Variants in DMXL2 observed in about 807,000 individuals in gnomAD.
DMXL2 encodes the protein Dmx like 2.
Under a neutral mutation model 331.1 loss-of-function variants are expected in DMXL2, and 103 were observed. The ratio of observed to expected loss-of-function variants is 0.31; its 90% CI spans 0.27 to 0.37. The LOEUF is 0.37. Ranked by LOEUF, DMXL2 falls within the 10% of genes least tolerant of loss-of-function variation. DMXL2 has a pLI of 1.00. For missense variants in DMXL2, 3,171 were observed against 3,642.9 expected (o/e 0.87, Z 3.33); for synonymous variants, 1,281 against 1,252.1 (o/e 1.02, Z -0.49).
rs1474648941 is a variant in DMXL2, at chr15:51,547,457, C to T, written c.568-49G>A. 3.0e-6 allele frequency: 4 copies of T among 1,353,928 alleles called. No homozygotes were observed. The South Asian group carries it at 5.4e-5, about 18-fold the overall frequency. 83.9% of individuals were successfully genotyped at this position (1,353,928 alleles called of 1,614,324 possible). The stretch of plus-strand genomic sequence containing the variant: ...AAAATTAATTTGTACATACACAATT[C>T]AAAATTTAAGTGGTTTGAAGAAGTT... On this transcript the variant is annotated intron_variant, in intron 6 of 43. Transcript: ENST00000560891.
chr15:51,484,836 C>T (rs8034340), intron 23 of DMXL2, among the ~76,000 whole-genome samples: 119,629 of 151,940 alleles, frequency 0.79, 48,076 homozygotes, highest in African/African-American at 0.95. Context: ...TGAAATCAGG[C>T]AAAGAATACA....
At chr15:51,514,316 GAACT>G (rs1194099399) in intron 15 of DMXL2, 122 bp downstream of exon 15, 8 of 608,654 alleles carry the variant, frequency 1.3e-5, no homozygotes, top group African/African-American at 7.7e-5. Context: ...AATTTTGACA[GAACT>G]AACTGGTGAA....
In DMXL2 at chr15:51,536,425, T is replaced by G. The variant is rs141558477; in HGVS notation, c.2055A>C (p.Ser685=). 4,229 of 1,613,968 alleles carry G rather than the reference T, an allele frequency of 2.6e-3. 6 individuals carry two copies. The highest frequency in any genetic ancestry group is 3.3e-3 in the Non-Finnish European group (3,923 of 1,179,912). ...LTPELDCQWD[S]DNKLSRLMDP... ...CCATTAATCTACTTAATTTATTGTC[T>G]GAGTCCCACTGACAATCTAATTCAG... Residue 685 remains serine, a synonymous_variant, in exon 12 of 44, where the codon TCA becomes TCC. Transcript: ENST00000560891.
At position 51,448,769 on chromosome 15, in the gene DMXL2, A is replaced by G. The variant is rs994802759; in HGVS notation, c.*215T>C. 5.3e-6 allele frequency: 3 copies of G among 564,488 alleles called. No homozygotes were observed. The highest frequency in any genetic ancestry group is 9.4e-6 in the Non-Finnish European group (3 of 319,478). 35.0% of individuals were successfully genotyped at this position (564,488 alleles called of 1,614,324 possible). A position where few individuals can be genotyped will look rare whatever the true frequency, so the allele number is the denominator to read the frequency against. On this transcript the variant is annotated 3_prime_UTR_variant, in exon 44 of 44. Transcript: ENST00000560891. ...TGTAAAGAATAGCTATCCTTCATAC[A>G]ATACTAGGTTTTATTTTTTTTAGTA...
At chr15:51,557,266 CATG>C (rs947331222) in intron 6 of DMXL2, among the ~76,000 whole-genome samples, 1 of 152,078 alleles carries the variant, frequency 6.6e-6, no homozygotes, top group African/African-American at 2.4e-5. Context: ...TAAAAATTTA[CATG>C]ATGATTCCAT....
At chr15:51,463,645 T>C (rs539611863) in intron 32 of DMXL2, 149 bp from the exon 33 acceptor site, 38 of 526,974 alleles carry the variant, frequency 7.2e-5, no homozygotes, top group Admixed American at 6.8e-4. Context: ...AGACACAGCA[T>C]TAAGCTCAAC....
chr15:51,458,860 C>A, intron 34 of DMXL2, 65 bp from the exon 35 acceptor site: 1 of 1,320,248 alleles, frequency 7.6e-7, no homozygotes, highest in Non-Finnish European at 1.1e-6. Context: ...TATGCACATC[C>A]CATAAGATTT....
At chr15:51,509,945 A>G (rs2046652558) in intron 15 of DMXL2, among the ~76,000 whole-genome samples, 1 of 152,214 alleles carries the variant, frequency 6.6e-6, no homozygotes, top group African/African-American at 2.4e-5. Flanking sequence ...AACAGAACCA[A>G]TGACAAAAAC....
chr15:51,476,803 T>C (rs1254439099), intron 26 of DMXL2, 84 bp from the exon 27 acceptor site: 1 of 1,157,766 alleles, frequency 8.6e-7, no homozygotes, highest in Non-Finnish European at 1.2e-6. Flanking sequence ...TTTAGACACC[T>C]ATTTTAAGAA....
intron 24 of DMXL2, 123 bp downstream of exon 24, chr15:51,480,419 G>A: frequency 8.3e-7 from 1 of 1,203,866 alleles, no homozygotes; most frequent in East Asian, 2.5e-5. Flanking sequence ...CTCCTATAAA[G>A]AGAGGAGCTG....
Position 51,570,758 on chromosome 15 carries a change from C to T in DMXL2, c.214-2200G>A, listed in dbSNP as rs374168858. ...CAAATGCTGAGAGATTTTGTCACCA[C>T]CAGGCCTTCCTTCCTTAGTGAAGGA... On this transcript the variant is annotated intron_variant, in intron 2 of 43. Transcript: ENST00000560891. Among the ~76,000 whole-genome samples, 5 of 152,240 alleles carry T rather than the reference C, an allele frequency of 3.3e-5. No individual in the cohort carries two copies. The East Asian group carries it at 5.8e-4, about 18-fold the overall frequency.
intron 6 of DMXL2, among the ~76,000 whole-genome samples, chr15:51,558,523 A>G (rs1163579469): frequency 6.6e-6 from 1 of 152,220 alleles, no homozygotes. Flanking sequence ...CAGTTACTGC[A>G]TATTTCAAAG....
At chr15:51,471,116 T>C in intron 29 of DMXL2, 107 bp downstream of exon 29, 1 of 1,057,806 alleles carries the variant, frequency 9.5e-7, no homozygotes, top group Non-Finnish European at 1.4e-6. Flanking sequence ...TAAACTATGG[T>C]GATTCAATCC....
intron 19 of DMXL2, among the ~76,000 whole-genome samples, chr15:51,494,333 A>C (rs779762253): frequency 6.6e-6 from 1 of 152,212 alleles, no homozygotes; most frequent in Non-Finnish European, 1.5e-5. Context: ...TCTAGGTTCT[A>C]TAATACTAAG....
At chr15:51,460,305 C>T (rs530350459) in intron 33 of DMXL2, 84 of 985,434 alleles carry the variant, frequency 8.5e-5, no homozygotes, top group South Asian at 5.6e-4. Flanking sequence ...CAGGTGACTG[C>T]CTTCCTTTCA....
At chr15:51,506,450 C>CTTTTT (rs531570148) in intron 16 of DMXL2, among the ~76,000 whole-genome samples, 19 of 121,974 alleles carry the variant, frequency 1.6e-4, no homozygotes, top group African/African-American at 4.4e-4. Context: ...AGCAATTCTG[C>CTTTTT]TTTTTTTTTT....
At position 51,547,350 on chromosome 15, in the gene DMXL2, G is replaced by A. The variant is rs1276758997; in HGVS notation, c.626C>T (p.Pro209Leu). 1.2e-6 allele frequency: 2 copies of A among 1,611,498 alleles called. No individual in the cohort carries two copies. ...PMTGWKSSII[P>L]QDHHEVKRRQ... ...CCTTTTTACTTCATGATGATCCTGA[G>A]GTATAATTGAAGACTTCCAACCAGT... The change falls in exon 7 of 44, where the codon CCT (proline) becomes CTT (leucine). Residue 209 changes from proline (P) to leucine (L), a missense_variant. Transcript: ENST00000560891.
intron 13 of DMXL2, among the ~76,000 whole-genome samples, chr15:51,533,694 T>G (rs148497292): frequency 6.6e-6 from 1 of 152,172 alleles, no homozygotes; most frequent in Non-Finnish European, 1.5e-5. Context: ...CTGCAGAAGA[T>G]AGAAAGACTG....
At chr15:51,453,091 G>A (rs752009154) in intron 41 of DMXL2, among the ~76,000 whole-genome samples, 3 of 152,110 alleles carry the variant, frequency 2.0e-5, no homozygotes, top group African/African-American at 4.8e-5. Context: ...CTTGGGAGGG[G>A]TGGGAGGAGG....
Sources: allele counts gnomAD v4.1 joint callset (sites outside exome capture counted in the v4.1 genomes callset), GRCh38; gene constraint gnomAD v4.1.1; transcripts MANE v1.5; gene names NCBI Gene and HGNC (gene_info 2026-07-23, HGNC 2026-07-21).